The following BRINP3 variants were observed in gnomAD, a reference collection of about 807,000 sequenced individuals.
The protein encoded by BRINP3 is BMP/retinoic acid-inducible neural-specific protein 3.
Under a neutral mutation model 71.0 loss-of-function variants are expected in BRINP3, and 19 were observed. The ratio of observed to expected loss-of-function variants is 0.27; its 90% CI spans 0.19 to 0.39. The LOEUF is 0.39. Among genes scored for constraint, BRINP3 ranks in the 10% least tolerant of loss-of-function variants. The pLI, the probability that BRINP3 is intolerant of heterozygous loss-of-function variation, is 1.00. For missense variants in BRINP3, 959 were observed against 940.8 expected (o/e 1.02, Z -0.25); for synonymous variants, 380 against 337.7 (o/e 1.13, Z -1.37).
At chr1:190,184,422 A>C (rs1171105169) in intron 6 of BRINP3, among the ~76,000 whole-genome samples, 1 of 152,164 alleles carries the variant, frequency 6.6e-6, no homozygotes, top group Non-Finnish European at 1.5e-5. Flanking sequence ...CCAAAAAGAC[A>C]CATGCACTCA....
chr1:190,417,198 G>A (rs1038552637), intron 2 of BRINP3, among the ~76,000 whole-genome samples: 2 of 151,692 alleles, frequency 1.3e-5, no homozygotes, highest in African/African-American at 4.8e-5. Flanking sequence ...TCGTTTAAGA[G>A]GTGATTTTTG....
Position 190,377,836 on chromosome 1 carries a change from G to A in BRINP3, c.236+76819C>T, listed in dbSNP as rs148743954. ...TAAATTTAGCCAAGGAAGCTACACTGAAAAGTACAAAATATTGCCGAAAGA... is the reference window on the plus strand; with the variant it reads ...TAAATTTAGCCAAGGAAGCTACACTAAAAAGTACAAAATATTGCCGAAAGA... On this transcript the variant is annotated intron_variant, in intron 2 of 7. Coordinates refer to ENST00000367462, the MANE Select transcript of BRINP3 (RefSeq NM_199051.3). Among the ~76,000 whole-genome samples the A allele has an allele frequency of 1.5e-4, 23 of 151,908 alleles. 1 individual carries two copies. Among genetic ancestry groups the A allele is most frequent in the African/African-American group, 5.5e-4 (23 of 41,488 alleles).
At chr1:190,181,597 A>AACTT (rs1361007074) in intron 6 of BRINP3, among the ~76,000 whole-genome samples, 1 of 151,970 alleles carries the variant, frequency 6.6e-6, no homozygotes, top group African/African-American at 2.4e-5. Context: ...ATGCGTACAA[A>AACTT]ACTTATCATG....
At chr1:190,205,949 T>A (rs1408378157) in intron 6 of BRINP3, among the ~76,000 whole-genome samples, 2 of 151,986 alleles carry the variant, frequency 1.3e-5, no homozygotes, top group Non-Finnish European at 2.9e-5. Context: ...GAAAACTTTA[T>A]GTTATGACAA....
At chr1:190,238,888 A>C (rs1274066693) in intron 4 of BRINP3, among the ~76,000 whole-genome samples, 1 of 152,162 alleles carries the variant, frequency 6.6e-6, no homozygotes, top group African/African-American at 2.4e-5. Context: ...GTCCATTTTC[A>C]TACTGGTATA....
chr1:190,291,214 G>A (rs1663840621), intron 2 of BRINP3, among the ~76,000 whole-genome samples: 1 of 152,040 alleles, frequency 6.6e-6, no homozygotes, highest in Non-Finnish European at 1.5e-5. Context: ...TGAATTGTAG[G>A]AAGTGAATGA....
intron 2 of BRINP3, among the ~76,000 whole-genome samples, chr1:190,301,198 CACATACATAT>C (rs1558160556): frequency 1.2e-3 from 31 of 26,716 alleles, no homozygotes; most frequent in Admixed American, 5.4e-3. Context: ...TATATATATA[CACATACATAT>C]ATATATATAT....
chr1:190,234,437 T>C lies in BRINP3; in HGVS notation c.659A>G (p.Tyr220Cys), dbSNP rs1658321933. 6.2e-7 allele frequency: 1 copy of C among 1,612,588 alleles called. No homozygotes were observed. Among genetic ancestry groups the C allele is most frequent in the Non-Finnish European group, 8.5e-7 (1 of 1,179,072 alleles). Residue 220 changes from tyrosine to cysteine, a missense_variant, in exon 5 of 8, where the codon TAT becomes TGT. Coordinates refer to ENST00000367462, the MANE Select transcript of BRINP3 (RefSeq NM_199051.3). ...AGAACTGACAGAATCTAGGTTGTCA[T>C]AGTTACTGCAGCCAAGAGGACCAGT... ...TRTGPLGCSN[Y>C]DNLDSVSSVL...
chr1:190,376,874 A>C lies in BRINP3; in HGVS notation c.236+77781T>G, dbSNP rs189880117. Among the ~76,000 whole-genome samples the C allele has an allele frequency of 1.4e-3, 220 of 152,112 alleles. 1 individual carries two copies. The highest frequency in any genetic ancestry group is 5.2e-3 in the African/African-American group (218 of 41,554). ...TTAAACTCATTTTCTATTTTTAGCC[A>C]TGAAGATAAAGAAAGGCAGAGACAA... is the stretch of plus-strand genomic sequence containing the variant. On this transcript the variant is annotated intron_variant, in intron 2 of 7. Transcript: ENST00000367462.
At chr1:190,439,511 G>T (rs1356456216) in intron 2 of BRINP3, among the ~76,000 whole-genome samples, 1 of 151,600 alleles carries the variant, frequency 6.6e-6, no homozygotes, top group Non-Finnish European at 1.5e-5. Context: ...CCAAATTTTT[G>T]TAAGAAGGTC....
chr1:190,106,920 T>G lies in BRINP3; in HGVS notation c.1185-7786A>C, dbSNP rs16832025. Among the ~76,000 whole-genome samples the G allele has an allele frequency of 5.6e-3, 850 of 151,968 alleles. 8 individuals carry two copies. Among genetic ancestry groups the G allele is most frequent in the African/African-American group, 0.019 (780 of 41,520 alleles). On this transcript the variant is annotated intron_variant, in intron 7 of 7. Transcript: ENST00000367462. ...TATAATTTAAATAATTTAATGAAAT[T>G]TTAGTGTGCTTCCAAAAGTGGTACA... is the stretch of plus-strand genomic sequence containing the variant.
At chr1:190,227,872 G>C (rs1266881779) in intron 5 of BRINP3, among the ~76,000 whole-genome samples, 1 of 151,864 alleles carries the variant, frequency 6.6e-6, no homozygotes, top group Non-Finnish European at 1.5e-5. Context: ...TCCTATGTCA[G>C]GGAATATAGA....
chr1:190,155,136 A>G (rs1656753404), intron 7 of BRINP3, among the ~76,000 whole-genome samples: 1 of 152,134 alleles, frequency 6.6e-6, no homozygotes, highest in South Asian at 2.1e-4. Flanking sequence ...ATTTTCATAT[A>G]TAAGTTGAAA....
chr1:190,326,775 C>A (rs558974611), intron 2 of BRINP3, among the ~76,000 whole-genome samples: 3 of 152,042 alleles, frequency 2.0e-5, no homozygotes, highest in East Asian at 3.9e-4. Flanking sequence ...TACTATTAAA[C>A]CCATCTTACA....
At chr1:190,306,799 T>C (rs1665133878) in intron 2 of BRINP3, among the ~76,000 whole-genome samples, 1 of 151,942 alleles carries the variant, frequency 6.6e-6, no homozygotes, top group African/African-American at 2.4e-5. Flanking sequence ...GTTATATAAA[T>C]GTAACATCTC....
chr1:190,418,889 T>G (rs542473841), intron 2 of BRINP3, among the ~76,000 whole-genome samples: 1 of 152,130 alleles, frequency 6.6e-6, no homozygotes, highest in Non-Finnish European at 1.5e-5. Flanking sequence ...TAATGTACGA[T>G]GGATTTTTAT....
intron 6 of BRINP3, among the ~76,000 whole-genome samples, chr1:190,170,696 A>T (rs1264276045): frequency 1.3e-5 from 2 of 152,194 alleles, no homozygotes; most frequent in Non-Finnish European, 2.9e-5. Flanking sequence ...ATGGATGAGA[A>T]AATGGCAAAT....
At chr1:190,406,070 T>G (rs1484455969) in intron 2 of BRINP3, among the ~76,000 whole-genome samples, 4 of 152,198 alleles carry the variant, frequency 2.6e-5, no homozygotes, top group African/African-American at 9.6e-5. Flanking sequence ...ATGCATTTCT[T>G]CAGTCTAGCC....
intron 2 of BRINP3, among the ~76,000 whole-genome samples, chr1:190,398,536 T>G (rs1004020425): frequency 6.6e-6 from 1 of 151,960 alleles, no homozygotes; most frequent in African/African-American, 2.4e-5. Context: ...TGAATCTAGA[T>G]AGTATAATTT....
Sources: allele counts gnomAD v4.1 joint callset (sites outside exome capture counted in the v4.1 genomes callset), GRCh38; gene constraint gnomAD v4.1.1; transcripts MANE v1.5; gene names NCBI Gene and HGNC (gene_info 2026-07-23, HGNC 2026-07-21).